The following SYNE1 variants were observed in gnomAD, a reference collection of about 807,000 sequenced individuals.
The protein encoded by SYNE1 is nesprin-1.
A neutral mutation model predicts 1,111.0 loss-of-function variants in SYNE1; 616 were observed. The ratio of observed to expected loss-of-function variants is 0.55; its 90% CI spans 0.52 to 0.59. The LOEUF (loss-of-function observed/expected upper bound fraction) is 0.59, where lower values mean the gene tolerates loss of function less well. Among genes scored for constraint, SYNE1 ranks in the 20% least tolerant of loss-of-function variants. The pLI, the probability that SYNE1 is intolerant of heterozygous loss-of-function variation, is 0.00. For missense variants in SYNE1, 10,006 were observed against 10,417.0 expected (o/e 0.96, Z 1.72); for synonymous variants, 3,855 against 3,825.8 (o/e 1.01, Z -0.28).
At chr6:152,525,951 GTA>G (rs1484829219) in intron 5 of SYNE1, 127 bp downstream of exon 5, 1 of 817,910 alleles carries the variant, frequency 1.2e-6, no homozygotes, top group African/African-American at 1.7e-5. Flanking sequence ...AGTGTTTCCA[GTA>G]TACTACCAAC....
intron 87 of SYNE1, 63 bp downstream of exon 87, chr6:152,316,786 G>A (rs1470833220): frequency 2.5e-6 from 4 of 1,594,076 alleles, no homozygotes. Flanking sequence ...TGTTGTGTCA[G>A]TCTACCCAGT....
At chr6:152,572,611 G>T (rs530922076) in intron 3 of SYNE1, among the ~76,000 whole-genome samples, 56 of 152,274 alleles carry the variant, frequency 3.7e-4, no homozygotes, top group Non-Finnish European at 6.3e-4. Context: ...ACTACTCATC[G>T]TTGCCAGATA....
chr6:152,495,290 A>G (rs2098993166), intron 11 of SYNE1, among the ~76,000 whole-genome samples: 1 of 152,162 alleles, frequency 6.6e-6, no homozygotes, highest in Admixed American at 6.5e-5. Flanking sequence ...GGATGGGTAG[A>G]GGCCTTTCCC....
Position 152,376,911 on chromosome 6 carries a change from T to C in SYNE1, c.9011A>G (p.Glu3004Gly). 1 of 1,613,824 alleles carries C rather than the reference T, an allele frequency of 6.2e-7. No individual in the cohort carries two copies. Among genetic ancestry groups the C allele is most frequent in the South Asian group, 1.1e-5 (1 of 91,078 alleles). Residue 3004 changes from glutamate (E) to glycine (G), a missense_variant and splice_region_variant, in exon 57 of 146, where the codon GAG (glutamate) becomes GGG (glycine). Coordinates refer to ENST00000367255, the MANE Select transcript of SYNE1 (RefSeq NM_182961.4). ...EIVECWHKGQEILDALQKAEP... is the reference protein window; with the variant it reads ...EIVECWHKGQGILDALQKAEP... ...TGCTTTTTGCAAAGCATCCAGTATC[T>C]CCTGTTCAGAAATAATGAGACAAAG...
At chr6:152,249,643 T>A (rs541298680) in intron 104 of SYNE1, among the ~76,000 whole-genome samples, 18 of 152,294 alleles carry the variant, frequency 1.2e-4, no homozygotes, top group African/African-American at 3.8e-4. Flanking sequence ...ATTTGGGAAA[T>A]AATATGATAC....
intron 63 of SYNE1, among the ~76,000 whole-genome samples, chr6:152,364,646 A>C (rs1185200161): frequency 2.7e-5 from 4 of 147,858 alleles, no homozygotes; most frequent in African/African-American, 5.0e-5. Flanking sequence ...AGGAAGGAAG[A>C]AAGGAAAGGG....
chr6:152,341,282 G>A (rs1394744824), intron 74 of SYNE1, among the ~76,000 whole-genome samples: 1 of 152,148 alleles, frequency 6.6e-6, no homozygotes, highest in Non-Finnish European at 1.5e-5. Flanking sequence ...GATATGAGAA[G>A]AGAATAAGTT....
chr6:152,501,023 T>C (rs17090956), intron 10 of SYNE1, among the ~76,000 whole-genome samples: 12,723 of 152,028 alleles, frequency 0.084, 671 homozygotes, highest in African/African-American at 0.14. Context: ...TCATCTCAAA[T>C]TGCTCTGAAA....
intron 3 of SYNE1, among the ~76,000 whole-genome samples, chr6:152,613,218 G>A (rs2099636918): frequency 6.6e-6 from 1 of 152,168 alleles, no homozygotes; most frequent in South Asian, 2.1e-4. Context: ...GTCCCTGTTT[G>A]CAGATGACAT....
intron 127 of SYNE1, among the ~76,000 whole-genome samples, chr6:152,196,446 T>C (rs2074138561): frequency 1.3e-5 from 2 of 151,996 alleles, no homozygotes; most frequent in Admixed American, 1.3e-4. Context: ...GTGTAATACC[T>C]GGTTACACTG....
rs190708603 is a variant in SYNE1 at position 152,170,349 on chromosome 6, T to C, written c.23628-6024A>G. Among the ~76,000 whole-genome samples, 732 of 152,336 alleles carry C rather than the reference T, an allele frequency of 4.8e-3. 2 individuals carry two copies. The highest frequency in any genetic ancestry group is 7.7e-3 in the Admixed American group (118 of 15,298). ...TGAGACTGGCATAGACATTGTTTTA[T>C]AGTAAACACAGTCCTTTCCCTTGCA... On this transcript the variant is annotated intron_variant, in intron 130 of 145. Transcript: ENST00000367255.
At chr6:152,599,613 T>TC (rs1156898744) in intron 3 of SYNE1, among the ~76,000 whole-genome samples, 8 of 152,196 alleles carry the variant, frequency 5.3e-5, no homozygotes, top group African/African-American at 1.9e-4. Context: ...GTCAATTCCT[T>TC]TGGTAAGAAT....
At chr6:152,314,849 G>A (rs1313802852) in intron 87 of SYNE1, among the ~76,000 whole-genome samples, 1 of 148,946 alleles carries the variant, frequency 6.7e-6, no homozygotes, top group Non-Finnish European at 1.5e-5. Context: ...TATTCAGGAG[G>A]CTGAGGGACA....
At position 152,526,153 on chromosome 6, in the gene SYNE1, T is replaced by C. The variant is rs746566831; in HGVS notation, c.152A>G (p.Asp51Gly). The C allele has an allele frequency of 1.2e-5, 20 of 1,614,136 alleles. No individual in the cohort carries two copies. Among genetic ancestry groups the C allele is most frequent in the Non-Finnish European group, 1.5e-5 (18 of 1,179,986 alleles). Residue 51 changes from aspartate (D) to glycine (G), a missense_variant, in exon 5 of 146, where the codon GAC (aspartate) becomes GGC (glycine). By Grantham distance (94) the Asp-to-Gly change is moderately conservative. Around this residue, in one of 7 missense-constraint regions of SYNE1, gnomAD observed 1,971 missense variants for 2,084.1 expected, o/e 0.95. Coordinates refer to ENST00000367255, the MANE Select transcript of SYNE1 (RefSeq NM_182961.4). ...ATCTTTCATGTCTTCAAAAAGATCGTCCACCACCATTGGAGGTTTCCGCTG... is the reference window on the plus strand; with the variant it reads ...ATCTTTCATGTCTTCAAAAAGATCGCCCACCACCATTGGAGGTTTCCGCTG... ...LAKRKPPMVV[D>G]DLFEDMKDGV... is the part of the protein sequence containing the mutation.
At chr6:152,471,986 A>G in intron 15 of SYNE1, 1 of 600,618 alleles carries the variant, frequency 1.7e-6, no homozygotes. Flanking sequence ...CTGCCAACAC[A>G]TCTCTCGTCT....
chr6:152,434,064 G>C, intron 33 of SYNE1, 119 bp from the exon 34 acceptor site: 1 of 979,000 alleles, frequency 1.0e-6, no homozygotes, highest in East Asian at 2.6e-5. Context: ...TTTCAAAGTT[G>C]AAACTATTCA....
intron 58 of SYNE1, among the ~76,000 whole-genome samples, chr6:152,374,474 A>C (rs191136338): frequency 1.3e-5 from 2 of 152,312 alleles, no homozygotes; most frequent in Admixed American, 1.3e-4. Flanking sequence ...GCCAAAGGCT[A>C]TCCTCTAAAA....
chr6:152,156,674 G>T (rs1383834065), intron 131 of SYNE1, among the ~76,000 whole-genome samples: 3 of 152,116 alleles, frequency 2.0e-5, no homozygotes, highest in African/African-American at 7.2e-5. Context: ...AGAATAAAAA[G>T]TCTGTATGTA....
chr6:152,242,477 A>G (rs1245145735), intron 106 of SYNE1, 37 bp from the exon 107 acceptor site: 4 of 1,609,936 alleles, frequency 2.5e-6, no homozygotes, highest in Non-Finnish European at 3.4e-6. Context: ...CTCTCAATTC[A>G]TATTCTGGCA....
Sources: allele counts gnomAD v4.1 joint callset (sites outside exome capture counted in the v4.1 genomes callset), GRCh38; gene constraint gnomAD v4.1.1; regional missense constraint gnomAD v4.1.1; transcripts MANE v1.5; gene names NCBI Gene and HGNC (gene_info 2026-07-23, HGNC 2026-07-21).